DOP1B: variants seen among roughly 807,000 people sequenced by gnomAD.
DOP1B encodes the protein DOP1 leucine zipper like protein B.
In DOP1B, 174 loss-of-function variants were observed where a neutral mutation model predicts 233.5. The ratio of observed to expected loss-of-function variants is 0.75; its 90% CI spans 0.66 to 0.85. The LOEUF is 0.85. DOP1B is among the 40% of genes least tolerant of loss of function. The pLI, the probability that DOP1B is intolerant of heterozygous loss-of-function variation, is 0.00. For synonymous variants in DOP1B, 1,190 were observed against 1,185.6 expected (o/e 1.00, Z -0.08); for missense variants, 2,652 against 2,846.6 (o/e 0.93, Z 1.56).
intron 27 of DOP1B, among the ~76,000 whole-genome samples, chr21:36,275,993 G>A (rs1398820667): frequency 2.6e-5 from 4 of 152,096 alleles, no homozygotes; most frequent in Non-Finnish European, 2.9e-5. Flanking sequence ...GGTGGTCAGA[G>A]GAGGATGCTG....
rs756657126 is a variant in DOP1B, at chr21:36,230,446, A to G, written c.1666-4A>G. The G allele has an allele frequency of 6.3e-7, 1 of 1,595,158 alleles. No homozygotes were observed. Among genetic ancestry groups the G allele is most frequent in the South Asian group, 1.1e-5 (1 of 90,184 alleles). On this transcript the variant is annotated splice_polypyrimidine_tract_variant and splice_region_variant and intron_variant, in intron 13 of 36. Coordinates refer to ENST00000691173, the MANE Select transcript of DOP1B (RefSeq NM_001320714.2). ...CACAATTCACATCTTTTTATTTTTT[A>G]CAGAGTCCAGTAAAAGGTGAAAACG...
At chr21:36,233,446 C>T (rs1264377518) in intron 15 of DOP1B, among the ~76,000 whole-genome samples, 1 of 152,114 alleles carries the variant, frequency 6.6e-6, no homozygotes, top group Non-Finnish European at 1.5e-5. Flanking sequence ...CCTGCCCCTC[C>T]CAGGAGGTGC....
chr21:36,253,650 A>AAAAGAGATG, intron 22 of DOP1B, 122 bp from the exon 23 acceptor site: 1 of 1,202,374 alleles, frequency 8.3e-7, no homozygotes, highest in Non-Finnish European at 1.1e-6. Flanking sequence ...AAAAAAAAAA[A>AAAAGAGATG]AAGAGATGAA....
intron 32 of DOP1B, among the ~76,000 whole-genome samples, chr21:36,286,639 AACACACACAC>A (rs3029064): frequency 2.0e-4 from 29 of 146,494 alleles, no homozygotes; most frequent in Non-Finnish European, 2.4e-4. Flanking sequence ...CCATCTCAAA[AACACACACAC>A]ACACACACAC....
At chr21:36,267,289 A>C (rs980722689) in intron 26 of DOP1B, among the ~76,000 whole-genome samples, 3 of 152,176 alleles carry the variant, frequency 2.0e-5, no homozygotes, top group African/African-American at 7.2e-5. Context: ...TATTTCTTGT[A>C]TATTATTGAA....
At chr21:36,241,772 C>T (rs1270803564) in intron 18 of DOP1B, among the ~76,000 whole-genome samples, 2 of 148,414 alleles carry the variant, frequency 1.3e-5, no homozygotes, top group Admixed American at 1.3e-4. Flanking sequence ...AACTCCTGAC[C>T]CCAAATGATC....
intron 31 of DOP1B, 30 bp from the exon 32 acceptor site, chr21:36,281,453 C>T (rs774328902): frequency 1.7e-4 from 257 of 1,554,308 alleles, no homozygotes; most frequent in Non-Finnish European, 2.1e-4. Context: ...GGTTTTCTCA[C>T]TAAGTAAAAC....
chr21:36,233,993 A>G (rs908571328), intron 15 of DOP1B, among the ~76,000 whole-genome samples: 4 of 152,132 alleles, frequency 2.6e-5, no homozygotes, highest in Admixed American at 6.5e-5. Flanking sequence ...AGCTGGGACT[A>G]CAGGCACCTG....
intron 35 of DOP1B, among the ~76,000 whole-genome samples, chr21:36,290,126 G>A (rs777998656): frequency 5.3e-5 from 8 of 152,120 alleles, no homozygotes; most frequent in South Asian, 2.1e-4. Flanking sequence ...TTGATAATAC[G>A]GCAGGCTTGT....
chr21:36,191,657 G>A (rs556049356), intron 2 of DOP1B, among the ~76,000 whole-genome samples: 187 of 152,024 alleles, frequency 1.2e-3, no homozygotes, highest in Non-Finnish European at 2.2e-3. Context: ...ATGGTGGCAC[G>A]TGCCTGTAAT....
chr21:36,180,029 A>G (rs1209824617), intron 2 of DOP1B, among the ~76,000 whole-genome samples: 2 of 152,064 alleles, frequency 1.3e-5, no homozygotes, highest in Non-Finnish European at 2.9e-5. Context: ...GTACTTTGTC[A>G]TGTGTTTATC....
intron 2 of DOP1B, among the ~76,000 whole-genome samples, chr21:36,174,484 C>T (rs2066003067): frequency 6.6e-6 from 1 of 152,036 alleles, no homozygotes; most frequent in Non-Finnish European, 1.5e-5. Flanking sequence ...TAACCAAAAA[C>T]CAAAATAATA....
intron 35 of DOP1B, among the ~76,000 whole-genome samples, chr21:36,289,722 A>C (rs1309276136): frequency 6.6e-6 from 1 of 152,212 alleles, no homozygotes; most frequent in Non-Finnish European, 1.5e-5. Context: ...GAGAGTAATC[A>C]TATAGAAATG....
chr21:36,166,935 A>G (rs1052888484), intron 2 of DOP1B, among the ~76,000 whole-genome samples: 1 of 152,216 alleles, frequency 6.6e-6, no homozygotes, highest in African/African-American at 2.4e-5. Context: ...GGGGTGGATA[A>G]ATGTTTCTAA....
rs549775346 is a variant in DOP1B at position 36,251,205 on chromosome 21, C to A, written c.5042C>A (p.Ala1681Asp). ...KILDFLNPLTAHLGVQLTAAV... is the reference protein window; with the variant it reads ...KILDFLNPLTDHLGVQLTAAV... ...TTAGACTTCTTAAACCCCTTGACGG[C>A]CCATCTTGGGGTTCAGTTGACAGCG... Residue 1681 changes from alanine to aspartate, a missense_variant, in exon 22 of 37, where the codon GCC becomes GAC. Ala to Asp is a moderately radical substitution (Grantham distance 126). Coordinates refer to ENST00000691173, the MANE Select transcript of DOP1B (RefSeq NM_001320714.2). 1.2e-6 allele frequency: 2 copies of A among 1,614,020 alleles called. No individual in the cohort carries two copies. Among genetic ancestry groups the A allele is most frequent in the East Asian group, 4.5e-5 (2 of 44,884 alleles).
At position 36,211,667 on chromosome 21, in the gene DOP1B, T is replaced by G; in HGVS notation, c.780+16T>G. ...TACCTGTCTGGTAAGTAATTTGTAC[T>G]CTTCTGGTAAGTCACTGGTGTTTCC... On this transcript the variant is annotated intron_variant, in intron 6 of 36. Coordinates refer to ENST00000691173, the MANE Select transcript of DOP1B (RefSeq NM_001320714.2). The G allele has an allele frequency of 6.2e-7, 1 of 1,611,664 alleles. No individual in the cohort carries two copies.
In DOP1B at chr21:36,288,786, C is replaced by G. The variant is rs1314631080; in HGVS notation, c.6328C>G (p.Leu2110Val). ...IQTFTQLEED[L>V]KDEDESLRST... ...GACATTCACACAGCTTGAAGAAGAT[C>G]TAAAAGATGAAGATGAGTCATTGAG... Residue 2110 changes from leucine to valine, a missense_variant, in exon 34 of 37, where the codon CTA (leucine) becomes GTA (valine). Transcript: ENST00000691173. The G allele has an allele frequency of 3.1e-6, 5 of 1,612,458 alleles. No individual in the cohort carries two copies. Among genetic ancestry groups the G allele is most frequent in the Non-Finnish European group, 3.4e-6 (4 of 1,179,366 alleles).
At chr21:36,265,118 G>A (rs551637395) in intron 26 of DOP1B, among the ~76,000 whole-genome samples, 2 of 152,336 alleles carry the variant, frequency 1.3e-5, no homozygotes, top group African/African-American at 2.4e-5. Context: ...GCAGTAGGCC[G>A]TGTGCGGTGG....
At chr21:36,169,712 C>T in intron 2 of DOP1B, 1 of 944,474 alleles carries the variant, frequency 1.1e-6, no homozygotes, top group African/African-American at 1.6e-5. Context: ...GGTGACTTGG[C>T]AGTGCTTCCT....
Sources: allele counts gnomAD v4.1 joint callset (sites outside exome capture counted in the v4.1 genomes callset), GRCh38; gene constraint gnomAD v4.1.1; transcripts MANE v1.5; gene names NCBI Gene and HGNC (gene_info 2026-07-23, HGNC 2026-07-21).